The following DHCR24 variants were observed in gnomAD, a reference collection of about 807,000 sequenced individuals.
DHCR24 encodes 24-dehydrocholesterol reductase, also known as delta(24)-sterol reductase.
A neutral mutation model predicts 61.2 loss-of-function variants in DHCR24; 28 were observed. That is an observed-to-expected ratio of 0.46 (90% confidence interval 0.34 to 0.63). The LOEUF is 0.63. Ranked by LOEUF, DHCR24 falls within the 20% of genes least tolerant of loss-of-function variation. DHCR24 has a pLI of 0.01. For missense variants in DHCR24, 538 were observed against 679.1 expected, an observed-to-expected ratio of 0.79 and a Z score of 2.31; for synonymous variants, 261 against 275.9, an observed-to-expected ratio of 0.95 and a Z score of 0.54.
intron 2 of DHCR24, among the ~76,000 whole-genome samples, chr1:54,880,471 A>G (rs747229405): frequency 1.2e-4 from 19 of 152,220 alleles, no homozygotes; most frequent in Non-Finnish European, 2.6e-4. Flanking sequence ...TAAAATATCA[A>G]AATGCAAAGT....
rs200173011 is a variant in DHCR24 at position 54,865,389 on chromosome 1, G to A, written c.934C>T (p.Leu312=). Residue 312 remains leucine, a synonymous_variant, in exon 6 of 9, where the codon CTG becomes TTG. Transcript: ENST00000371269. ...PWFFKHVENY[L]KTNREGLEYI... is the part of the protein sequence containing the mutation. ...TCCAGGCCCTCTCGGTTTGTCTTCA[G>A]ATAGTTCTCCACATGCTTAAAGAAC... The A allele has an allele frequency of 3.7e-6, 6 of 1,614,204 alleles. No individual in the cohort carries two copies. In the Admixed American group the frequency reaches 8.3e-5, roughly 22 times the overall value.
chr1:54,855,183 A>C (rs1401861806), intron 6 of DHCR24, among the ~76,000 whole-genome samples: 1 of 152,106 alleles, frequency 6.6e-6, no homozygotes, highest in Non-Finnish European at 1.5e-5. Flanking sequence ...TCATGAGGTC[A>C]GGAGATCGAG....
chr1:54,873,679 T>TC (rs1204925206), intron 4 of DHCR24, among the ~76,000 whole-genome samples: 1 of 152,224 alleles, frequency 6.6e-6, no homozygotes, highest in Non-Finnish European at 1.5e-5. Flanking sequence ...AGACAGGGTC[T>TC]TGCTCTGTCA....
At position 54,853,558 on chromosome 1, in the gene DHCR24, G is replaced by A. The variant is rs1359817102; in HGVS notation, c.1273C>T (p.His425Tyr). 3 of 1,614,120 alleles carry A rather than the reference G, an allele frequency of 1.9e-6. No homozygotes were observed. Among genetic ancestry groups the A allele is most frequent in the Non-Finnish European group, 1.7e-6 (2 of 1,180,020 alleles). ...AGCTCTGCCTCATTTCCTTTGGGGT[G>A]CACTAGGCCTGGCTGGCTGGGCAGG... is the stretch of plus-strand genomic sequence containing the variant. The part of the protein sequence containing the change: ...FILPSQPGLV[H>Y]PKGNEAELYI... Residue 425 changes from histidine (H) to tyrosine (Y), a missense_variant, in exon 8 of 9, where the codon CAC becomes TAC. By Grantham distance (83) the His-to-Tyr change is moderately conservative. Transcript: ENST00000371269.
At position 54,871,444 on chromosome 1, in the gene DHCR24, C is replaced by T. The variant is rs186533929; in HGVS notation, c.782G>A (p.Arg261Gln). 12 of 1,614,174 alleles carry T rather than the reference C, an allele frequency of 7.4e-6. No individual in the cohort carries two copies. The highest frequency in any genetic ancestry group is 1.7e-5 in the Admixed American group (1 of 60,026). ...ICAKFTHESQ[R>Q]QENHFVEGLL... ...CCCTTCCACGAAGTGGTTCTCCTGC[C>T]GCTGGGACTCGTGGGTGAACTTGGC... The change falls in exon 5 of 9, where the codon CGG (arginine) becomes CAG (glutamine). Residue 261 changes from arginine (R) to glutamine (Q), a missense_variant. Arg to Gln is a conservative substitution (Grantham distance 43, BLOSUM62 1). Transcript: ENST00000371269.
chr1:54,865,313 C>T lies in DHCR24; in HGVS notation c.1010G>A (p.Trp337Ter). The T allele has an allele frequency of 1.2e-6, 2 of 1,613,582 alleles. No homozygotes were observed. The highest frequency in any genetic ancestry group is 1.7e-6 in the Non-Finnish European group (2 of 1,179,814). ...AAACCTAAGCCTCACCTGGAGCTCC[C>T]AGAAGATGCTGCGCGTGTGGCGGTG... ...YYHRHTRSIF[W>*]ELQDIIPFGN... Residue 337 changes from tryptophan to a stop codon, truncating the protein, a stop_gained, in exon 6 of 9, where the codon TGG becomes TAG. Transcript: ENST00000371269. LOFTEE classifies it high-confidence loss of function.
intron 6 of DHCR24, among the ~76,000 whole-genome samples, chr1:54,863,803 T>C (rs1004967185): frequency 2.6e-4 from 39 of 152,214 alleles, no homozygotes; most frequent in African/African-American, 8.7e-4. Flanking sequence ...ATCATATATC[T>C]GATGAGGGTC....
rs1033356137 is a variant in DHCR24 at position 54,883,386 on chromosome 1, T to C, written c.387+232A>G. On this transcript the variant is annotated intron_variant, in intron 2 of 8. Transcript: ENST00000371269. The surrounding 1 kb of genome is among the most constrained non-coding windows in gnomAD (Gnocchi z 4.3). ...CTCATTTTTGCTCACGAATTCCCCA[T>C]TCCTGACTTCCTGTGGAAACGCAAA... Among the ~76,000 whole-genome samples the C allele has an allele frequency of 1.3e-5, 2 of 152,216 alleles. No individual in the cohort carries two copies. The highest frequency in any genetic ancestry group is 2.4e-5 in the African/African-American group (1 of 41,456).
intron 5 of DHCR24, among the ~76,000 whole-genome samples, 159 bp from the exon 6 acceptor site, chr1:54,865,605 G>C (rs914069821): frequency 3.3e-5 from 5 of 152,168 alleles, no homozygotes; most frequent in South Asian, 4.1e-4. Flanking sequence ...GGTGAGGTTA[G>C]GCACAGCGGG....
At chr1:54,880,246 T>C (rs1186642378) in intron 2 of DHCR24, among the ~76,000 whole-genome samples, 1 of 152,266 alleles carries the variant, frequency 6.6e-6, no homozygotes, top group Non-Finnish European at 1.5e-5. Context: ...AATGGACAAA[T>C]ACCTTTGAGA....
In DHCR24 at chr1:54,854,048, T is replaced by C; in HGVS notation, c.1207A>G (p.Asn403Asp). ...CCTGCCCCACTCACGTGGATGTCGT[T>C]TTGGAAGGTGTGCAGGGCCTGCTGC... ...CLQQALHTFQ[N>D]DIHVYPIWLC... The change falls in exon 7 of 9, where the codon AAC (asparagine) becomes GAC (aspartate). Residue 403 changes from asparagine (N) to aspartate (D), a missense_variant. By Grantham distance (23) the Asn-to-Asp change is conservative. Coordinates refer to ENST00000371269, the MANE Select transcript of DHCR24 (RefSeq NM_014762.4). The C allele has an allele frequency of 3.1e-6, 5 of 1,612,960 alleles. 1 individual carries two copies. The South Asian group carries it at 5.5e-5, about 18-fold the overall frequency.
rs1162605146 is a variant in DHCR24, at chr1:54,884,588, AG to A, written c.232-816del. On this transcript the variant is annotated intron_variant, in intron 1 of 8. Coordinates refer to ENST00000371269, the MANE Select transcript of DHCR24 (RefSeq NM_014762.4). The stretch of plus-strand genomic sequence containing the variant: ...CTTTTCTGCTGAGATAGACAAGTGC[AG>A]GGGGGGTGGATATTTGTCATTTTGA... 4.6e-5 allele frequency among the ~76,000 whole-genome samples: 7 copies of A among 152,098 alleles called. No individual in the cohort carries two copies. In the East Asian group the frequency reaches 1.3e-3, roughly 29 times the overall value.
rs975434811 is a variant in DHCR24, at chr1:54,872,528, G to A, written c.613-915C>T. 4.6e-5 allele frequency among the ~76,000 whole-genome samples: 7 copies of A among 152,290 alleles called. No homozygotes were observed. The South Asian group carries it at 1.0e-3, about 23-fold the overall frequency. ...AGAGCTGGAGCAAGGAGGCTCTGCA[G>A]CAGGCTGGCAGAAACCTCAGGAACA... On this transcript the variant is annotated intron_variant, in intron 4 of 8. Transcript: ENST00000371269.
intron 6 of DHCR24, among the ~76,000 whole-genome samples, chr1:54,861,645 CT>C (rs536954126): frequency 1.8e-4 from 28 of 152,172 alleles, no homozygotes; most frequent in Non-Finnish European, 4.0e-4. Flanking sequence ...ATCACACTCC[CT>C]GCAAAACCTC....
At chr1:54,873,087 G>A (rs1647008375) in intron 4 of DHCR24, among the ~76,000 whole-genome samples, 1 of 152,216 alleles carries the variant, frequency 6.6e-6, no homozygotes, top group South Asian at 2.1e-4. Flanking sequence ...GGTGGTAGAA[G>A]TGTTTCTTAT....
At chr1:54,864,136 G>A (rs1456618990) in intron 6 of DHCR24, among the ~76,000 whole-genome samples, 1 of 152,222 alleles carries the variant, frequency 6.6e-6, no homozygotes, top group Non-Finnish European at 1.5e-5. Flanking sequence ...GTGGAAAAGA[G>A]TTTGGTTGTT....
rs1228132579 is a variant in DHCR24 at position 54,883,788 on chromosome 1, C to G, written c.232-15G>C. On this transcript the variant is annotated splice_polypyrimidine_tract_variant and intron_variant, in intron 1 of 8. Transcript: ENST00000371269. This position sits in a 1 kb window ranked among gnomAD's most constrained non-coding sequence, Gnocchi z 4.3. ...CATTCCCGCACCTGCAACCACAGGA[C>G]AGAGGGTGAGCTGGCCCCACTGGGA... 1.2e-6 allele frequency: 2 copies of G among 1,613,834 alleles called. No individual in the cohort carries two copies. Among genetic ancestry groups the G allele is most frequent in the East Asian group, 4.5e-5 (2 of 44,884 alleles).
At chr1:54,864,227 G>C (rs1646955507) in intron 6 of DHCR24, among the ~76,000 whole-genome samples, 2 of 152,130 alleles carry the variant, frequency 1.3e-5, no homozygotes, top group Non-Finnish European at 2.9e-5. Context: ...CTGAAAACAA[G>C]TATTCAAACA....
In DHCR24 at chr1:54,873,406, C is replaced by G. The variant is rs78614212; in HGVS notation, c.612+1687G>C. On this transcript the variant is annotated intron_variant, in intron 4 of 8. Coordinates refer to ENST00000371269, the MANE Select transcript of DHCR24 (RefSeq NM_014762.4). ...TGACTCTGTCATTGGTTTATGTATTCACTACACTACACTTTTAATTGTTAT... is the reference window on the plus strand; with the variant it reads ...TGACTCTGTCATTGGTTTATGTATTGACTACACTACACTTTTAATTGTTAT... 4.3e-3 allele frequency among the ~76,000 whole-genome samples: 658 copies of G among 152,260 alleles called. 5 individuals are homozygous for G. The highest frequency in any genetic ancestry group is 0.015 in the African/African-American group (628 of 41,538).
Sources: gnomAD v4.1 joint callset for allele counts (sites outside exome capture counted in the v4.1 genomes callset) on GRCh38, gnomAD v4.1.1 for gene constraint, Gnocchi (gnomAD v3.1) non-coding constraint, MANE v1.5 for transcripts, NCBI Gene and HGNC (gene_info 2026-07-23, HGNC 2026-07-21) for gene names.